Variants in PFKFB3 observed in about 807,000 individuals in gnomAD.
PFKFB3 encodes 6-phosphofructo-2-kinase/fructose-2,6-biphosphatase 3.
PFKFB3 carries 33 observed loss-of-function variants against 68.0 expected under a neutral mutation model. The ratio of observed to expected loss-of-function variants is 0.49; its 90% CI spans 0.37 to 0.65. The LOEUF (loss-of-function observed/expected upper bound fraction) is 0.65, where lower values mean the gene tolerates loss of function less well. Among genes scored for constraint, PFKFB3 ranks in the 30% least tolerant of loss-of-function variants. The probability of loss-of-function intolerance (pLI) is 0.00; values close to 1 mark genes in which losing one functional copy is unlikely to be tolerated. For missense variants in PFKFB3, 586 were observed against 712.2 expected (o/e 0.82, Z 2.02); for synonymous variants, 315 against 288.2 (o/e 1.09, Z -0.94).
chr10:6,252,088 C>A (rs1018522751), intron 14 of PFKFB3, among the ~76,000 whole-genome samples: 3 of 152,218 alleles, frequency 2.0e-5, no homozygotes, highest in African/African-American at 7.2e-5. Context: ...TTTGTCTACA[C>A]CATCTGTGTA....
chr10:6,191,952 A>C (rs1479751833), intron 1 of PFKFB3, among the ~76,000 whole-genome samples: 4 of 151,960 alleles, frequency 2.6e-5, no homozygotes, highest in Non-Finnish European at 1.5e-5. Context: ...TGAGTTTATG[A>C]AGACCAAATT....
At chr10:6,317,335 C>T in the PFKFB3 span, among the ~76,000 whole-genome samples, 1 of 152,110 alleles carries the variant, frequency 6.6e-6, no homozygotes, top group Non-Finnish European at 1.5e-5. Flanking sequence ...GGTAATGAAC[C>T]TTCATAAAGA....
chr10:6,274,395 C>T, the PFKFB3 span, among the ~76,000 whole-genome samples: 5 of 152,108 alleles, frequency 3.3e-5, no homozygotes, highest in South Asian at 6.2e-4. Context: ...CTTTGGATTA[C>T]GAAGGAGAGA....
At chr10:6,293,988 A>G in the PFKFB3 span, 1 of 525,724 alleles carries the variant, frequency 1.9e-6, no homozygotes, top group Non-Finnish European at 3.9e-6. Context: ...GGCTTCATGA[A>G]TCCCTTGCTT....
At chr10:6,144,982 G>T in exon 1 of PFKFB3, 2 of 1,300,484 alleles carry the variant, frequency 1.5e-6, no homozygotes, top group Admixed American at 3.9e-5. Context: ...GCCCCGCGGG[G>T]AGCGCCCCCG....
upstream of PFKFB3, among the ~76,000 whole-genome samples, chr10:6,198,946 A>G (rs749783047): frequency 4.8e-4 from 73 of 152,254 alleles, no homozygotes; most frequent in Non-Finnish European, 7.2e-4. Context: ...ATCTATGTGC[A>G]TGTTATGAAT....
downstream of PFKFB3, among the ~76,000 whole-genome samples, chr10:6,258,499 T>C (rs528892401): frequency 6.6e-6 from 1 of 152,368 alleles, no homozygotes; most frequent in East Asian, 1.9e-4. Flanking sequence ...TTGGTGAATT[T>C]AGGGATGTTT....
chr10:6,161,389 C>T (rs1841964634), intron 1 of PFKFB3, among the ~76,000 whole-genome samples: 1 of 152,064 alleles, frequency 6.6e-6, no homozygotes, highest in Non-Finnish European at 1.5e-5. Flanking sequence ...TAACTTTTCC[C>T]ATTTGTAACT....
chr10:6,324,436 T>A, the PFKFB3 span, among the ~76,000 whole-genome samples: 4,051 of 152,258 alleles, frequency 0.027, 87 homozygotes, highest in Non-Finnish European at 0.042. Flanking sequence ...ATGTGTTTTG[T>A]TTTGTTTTGA....
chr10:6,174,103 T>G (rs2131753080), intron 1 of PFKFB3, among the ~76,000 whole-genome samples: 1 of 151,838 alleles, frequency 6.6e-6, no homozygotes, highest in East Asian at 1.9e-4. Context: ...AAGGAGTCAT[T>G]AGTCCTTACA....
the PFKFB3 span, among the ~76,000 whole-genome samples, chr10:6,325,423 T>C: frequency 6.6e-6 from 1 of 152,252 alleles, no homozygotes; most frequent in Non-Finnish European, 1.5e-5. Context: ...TCCTTGTGTG[T>C]GTATACACAC....
chr10:6,206,621 G>C (rs1375195434), intron 1 of PFKFB3, among the ~76,000 whole-genome samples: 1 of 151,264 alleles, frequency 6.6e-6, no homozygotes, highest in Non-Finnish European at 1.5e-5. Flanking sequence ...TGGCTGCCGG[G>C]CGGAGACGCT....
At chr10:6,307,461 G>A in the PFKFB3 span, among the ~76,000 whole-genome samples, 1 of 151,962 alleles carries the variant, frequency 6.6e-6, no homozygotes, top group African/African-American at 2.4e-5. Context: ...TCTATGTACT[G>A]AGAATGAATT....
the PFKFB3 span, among the ~76,000 whole-genome samples, chr10:6,264,208 C>T: frequency 2.6e-5 from 4 of 152,158 alleles, no homozygotes; most frequent in Non-Finnish European, 2.9e-5. Context: ...ATTACGTATT[C>T]GTCTAAACTT....
intron 1 of PFKFB3, among the ~76,000 whole-genome samples, chr10:6,161,635 T>TAG (rs1170352277): frequency 6.2e-5 from 5 of 80,614 alleles, no homozygotes; most frequent in East Asian, 2.2e-4. Flanking sequence ...CATATATATA[T>TAG]ATAGAGAGAG....
intron 1 of PFKFB3, among the ~76,000 whole-genome samples, chr10:6,187,186 C>A (rs555934815): frequency 7.1e-6 from 1 of 141,178 alleles, no homozygotes; most frequent in East Asian, 2.1e-4. Context: ...CATGGTGAAT[C>A]CCTGTTTCTA....
chr10:6,164,466 G>A (rs1408885526), intron 1 of PFKFB3, among the ~76,000 whole-genome samples: 1 of 152,198 alleles, frequency 6.6e-6, no homozygotes. Flanking sequence ...CCCCTGTCTG[G>A]AAGTATTTGA....
chr10:6,172,063 C>T (rs998006018), intron 1 of PFKFB3, among the ~76,000 whole-genome samples: 8 of 152,216 alleles, frequency 5.3e-5, no homozygotes, highest in African/African-American at 1.4e-4. Flanking sequence ...CGAAAACCAC[C>T]GGTGTCCGGG....
At chr10:6,297,114 A>G in the PFKFB3 span, among the ~76,000 whole-genome samples, 1 of 152,238 alleles carries the variant, frequency 6.6e-6, no homozygotes, top group Non-Finnish European at 1.5e-5. Context: ...GCCTGGGCGT[A>G]ACCAGGAAGT....
Sources: gnomAD v4.1 joint callset for allele counts (sites outside exome capture counted in the v4.1 genomes callset) on GRCh38, gnomAD v4.1.1 for gene constraint, MANE v1.5 for transcripts, NCBI Gene and HGNC (gene_info 2026-07-23, HGNC 2026-07-21) for gene names.